Variants in SLC5A10 observed in about 807,000 individuals in gnomAD.
SLC5A10 encodes the protein solute carrier family 5 member 10.
Under a neutral mutation model 68.9 loss-of-function variants are expected in SLC5A10, and 55 were observed. The ratio of observed to expected loss-of-function variants is 0.80; its 90% confidence interval spans 0.64 to 1.00. The LOEUF is 1.00. SLC5A10 is among the 50% of genes least tolerant of loss of function. The probability of loss-of-function intolerance (pLI) is 0.00; values close to 1 mark genes in which losing one functional copy is unlikely to be tolerated. For missense variants in SLC5A10, 732 were observed against 819.3 expected (o/e 0.89, Z 1.30); for synonymous variants, 344 against 344.8 (o/e 1.00, Z 0.02).
intron 9 of SLC5A10, among the ~76,000 whole-genome samples, chr17:18,981,329 T>G (rs2043126939): frequency 1.4e-5 from 2 of 146,696 alleles, no homozygotes; most frequent in South Asian, 2.2e-4. Context: ...GGAGGAGGGG[T>G]GGGTGATGGA....
At chr17:18,986,978 A>C (rs1209345105) in intron 9 of SLC5A10, among the ~76,000 whole-genome samples, 1 of 152,192 alleles carries the variant, frequency 6.6e-6, no homozygotes, top group Non-Finnish European at 1.5e-5. Flanking sequence ...GGGCCAACCC[A>C]CCAGGGAGAC....
chr17:18,988,144 G>A, intron 9 of SLC5A10: 2 of 1,492,642 alleles, frequency 1.3e-6, no homozygotes, highest in South Asian at 1.3e-5. Context: ...CTGAGTGCCT[G>A]GCACAGGACT....
At chr17:18,982,126 T>C (rs1279361761) in intron 9 of SLC5A10, among the ~76,000 whole-genome samples, 1 of 152,250 alleles carries the variant, frequency 6.6e-6, no homozygotes, top group African/African-American at 2.4e-5. Flanking sequence ...TCAGCCTCCG[T>C]GTGAGCCGCA....
At chr17:18,973,977 C>A (rs1406522069) in intron 8 of SLC5A10, among the ~76,000 whole-genome samples, 2 of 149,510 alleles carry the variant, frequency 1.3e-5, no homozygotes, top group African/African-American at 4.9e-5. Context: ...ACTGCAACCT[C>A]CGCCTCCTGG....
chr17:18,967,759 T>C (rs1483741734), intron 5 of SLC5A10, among the ~76,000 whole-genome samples: 1 of 152,190 alleles, frequency 6.6e-6, no homozygotes, highest in Non-Finnish European at 1.5e-5. Context: ...TCCTTTCCCT[T>C]CCTGGGGCCT....
Position 19,019,931 on chromosome 17 carries a change from G to A in SLC5A10, c.1626+3G>A, listed in dbSNP as rs367634367. On this transcript the variant is annotated splice_donor_region_variant and intron_variant, in intron 13 of 14. Transcript: ENST00000395645. ...CCCCACCCCCACAGAGTGTCCAGGTGAGCCAGCCCTGACCCCTGACCCTGA... is the reference window on the plus strand; with the variant it reads ...CCCCACCCCCACAGAGTGTCCAGGTAAGCCAGCCCTGACCCCTGACCCTGA... 1,943 of 1,600,746 alleles carry A rather than the reference G, an allele frequency of 1.2e-3. 3 individuals are homozygous for A. The highest frequency in any genetic ancestry group is 1.6e-3 in the Non-Finnish European group (1,862 of 1,174,842).
rs1404238697 is a variant in SLC5A10 at position 18,971,939 on chromosome 17, A to T, written c.846+721A>T. On this transcript the variant is annotated intron_variant, in intron 8 of 14. Transcript: ENST00000395645. This position sits in a 1 kb window ranked among gnomAD's most constrained non-coding sequence, Gnocchi z 5.5. ...TCAGTTCCCCTGTCTGTAATATGGG[A>T]ATAATCCTGCCCTTTGTGGGTGTAG... Among the ~76,000 whole-genome samples, 5 of 152,078 alleles carry T rather than the reference A, an allele frequency of 3.3e-5. No homozygotes were observed. The highest frequency in any genetic ancestry group is 1.2e-4 in the African/African-American group (5 of 41,364).
At position 19,022,088 on chromosome 17, in the gene SLC5A10, C is replaced by G. The variant is rs957663914; in HGVS notation, c.*1657C>G. On this transcript the variant is annotated 3_prime_UTR_variant, in exon 15 of 15. Coordinates refer to ENST00000395645, the MANE Select transcript of SLC5A10 (RefSeq NM_001042450.4). ...TGTCGCCACGGCGGAAGCTGAGCTG[C>G]GAGGGGTCCTGGGCTGAGAAGTCAA... The G allele has an allele frequency of 1.3e-6, 2 of 1,587,410 alleles. No individual in the cohort carries two copies. Among genetic ancestry groups the G allele is most frequent in the Admixed American group, 3.5e-5 (2 of 56,358 alleles).
chr17:19,021,648 C>T lies in SLC5A10; in HGVS notation c.*1217C>T. On this transcript the variant is annotated 3_prime_UTR_variant, in exon 15 of 15. Transcript: ENST00000395645. The surrounding 1 kb of genome is among the most constrained non-coding windows in gnomAD (Gnocchi z 4.1). ...ACCTGGGAGTCCTCAACCTTCCTGG[C>T]AGATGGGGCCATTGACAAGAGGAGG... 1 of 396,722 alleles carries T rather than the reference C, an allele frequency of 2.5e-6. No individual in the cohort carries two copies. The highest frequency in any genetic ancestry group is 4.4e-6 in the Non-Finnish European group (1 of 225,360). 24.6% of individuals were successfully genotyped at this position (396,722 alleles called of 1,614,324 possible).
Position 19,015,159 on chromosome 17 carries a change from CG to C in SLC5A10, c.1202del (p.Arg401LeufsTer17). The C allele has an allele frequency of 7.2e-7, 1 of 1,387,118 alleles. No homozygotes were observed. The highest frequency in any genetic ancestry group is 1.1e-5 in the South Asian group (1 of 88,172). 85.9% of individuals were successfully genotyped at this position (1,387,118 alleles called of 1,614,324 possible). On this transcript the variant is annotated frameshift_variant, in exon 11 of 15. Coordinates refer to ENST00000395645, the MANE Select transcript of SLC5A10 (RefSeq NM_001042450.4). LOFTEE classifies it high-confidence loss of function. ...LFTMDIWRRLRPRSGERELLL... is the reference protein window; with the variant it reads ...LFTMDIWRRLXPRSGERELLL... ...CACTATGGACATCTGGAGGCGGCTG[CG>C]TCCCCGCTCCGGCGAGCGGGAGCTC... is the stretch of plus-strand genomic sequence containing the variant.
rs751313038 is a variant in SLC5A10 at position 18,958,753 on chromosome 17, G to A, written c.183G>A (p.Pro61=). 1.7e-5 allele frequency: 28 copies of A among 1,613,962 alleles called. No homozygotes were observed. The highest frequency in any genetic ancestry group is 2.3e-5 in the Non-Finnish European group (27 of 1,179,964). Residue 61 remains proline, a splice_region_variant and synonymous_variant, in exon 2 of 15, where the codon CCG becomes CCA. Transcript: ENST00000395645. ...FLAGRDMTWW[P]IGASLFASSE... is the part of the protein sequence containing the mutation. ...CAGGCCGGGACATGACGTGGTGGCC[G>A]GTGAGTGCACCCTGACTTCTCACAC...
In SLC5A10 at chr17:19,017,104, C is replaced by G. The variant is rs1437025830; in HGVS notation, c.1241+1905C>G. On this transcript the variant is annotated intron_variant, in intron 11 of 14. Coordinates refer to ENST00000395645, the MANE Select transcript of SLC5A10 (RefSeq NM_001042450.4). The surrounding 1 kb of genome is among the most constrained non-coding windows in gnomAD (Gnocchi z 5.6). ...CTCTTCTGCCAAGTCAACCCCCGCC[C>G]CTAGCCCTGCAAGCCTGGCAGTCGG... Among the ~76,000 whole-genome samples, 2 of 152,246 alleles carry G rather than the reference C, an allele frequency of 1.3e-5. No homozygotes were observed. The highest frequency in any genetic ancestry group is 1.3e-4 in the Admixed American group (2 of 15,292).
In SLC5A10 at chr17:19,003,335, C is replaced by T. The variant is rs2043780073; in HGVS notation, c.983-10075C>T. 6.6e-6 allele frequency among the ~76,000 whole-genome samples: 1 copy of T among 152,018 alleles called. No individual in the cohort carries two copies. Among genetic ancestry groups the T allele is most frequent in the Non-Finnish European group, 1.5e-5 (1 of 67,982 alleles). On this transcript the variant is annotated intron_variant, in intron 9 of 14. Coordinates refer to ENST00000395645, the MANE Select transcript of SLC5A10 (RefSeq NM_001042450.4). This position sits in a 1 kb window ranked among gnomAD's most constrained non-coding sequence, Gnocchi z 4.5. ...GCTAGGACCTGGGAACCCTACCCTG[C>T]AAAGAAACTGCGGATCCCCACGAAG... is the stretch of plus-strand genomic sequence containing the variant.
chr17:18,990,253 G>C (rs139096938), intron 9 of SLC5A10, among the ~76,000 whole-genome samples: 2 of 152,176 alleles, frequency 1.3e-5, no homozygotes, highest in East Asian at 1.9e-4. Context: ...TGCTTGGAGC[G>C]GGGGTAGATG....
chr17:18,978,816 C>T (rs747961109), intron 9 of SLC5A10: 2 of 1,612,844 alleles, frequency 1.2e-6, no homozygotes, highest in Non-Finnish European at 1.7e-6. Flanking sequence ...ACAGAGATCA[C>T]ATTCCGGTCC....
chr17:18,997,907 G>A (rs2043608778), intron 9 of SLC5A10, among the ~76,000 whole-genome samples: 1 of 152,202 alleles, frequency 6.6e-6, no homozygotes, highest in Non-Finnish European at 1.5e-5. Flanking sequence ...AAATCTCACT[G>A]ACTTTATGAG....
intron 9 of SLC5A10, among the ~76,000 whole-genome samples, chr17:18,994,687 T>G (rs2472711): frequency 0.65 from 98,566 of 151,836 alleles, 32,428 homozygotes; most frequent in Middle Eastern, 0.74. Flanking sequence ...CTGCAGGGGG[T>G]GTCCTCAGAA....
intron 13 of SLC5A10, 108 bp from the exon 14 acceptor site, chr17:19,020,046 CT>C: frequency 6.9e-7 from 1 of 1,446,360 alleles, no homozygotes; most frequent in Non-Finnish European, 9.5e-7. Context: ...AGCCCCGTCC[CT>C]TTTTGAACTC....
chr17:19,013,336 C>T (rs780125321), intron 9 of SLC5A10, 74 bp from the exon 10 acceptor site: 59 of 1,587,820 alleles, frequency 3.7e-5, no homozygotes, highest in Non-Finnish European at 4.5e-5. Flanking sequence ...AGGCTCCTGC[C>T]CCCAGCCCTA....
Sources: gnomAD v4.1 joint callset for allele counts (sites outside exome capture counted in the v4.1 genomes callset) on GRCh38, gnomAD v4.1.1 for gene constraint, Gnocchi (gnomAD v3.1) non-coding constraint, MANE v1.5 for transcripts, NCBI Gene and HGNC (gene_info 2026-07-23, HGNC 2026-07-21) for gene names.